The following UBR3 variants were observed in gnomAD, a reference collection of about 807,000 sequenced individuals.
The protein encoded by UBR3 is E3 ubiquitin-protein ligase UBR3.
A neutral mutation model predicts 243.2 loss-of-function variants in UBR3; 85 were observed. The observed-to-expected ratio is 0.35, with a 90% CI of 0.29 to 0.42. The LOEUF is 0.42. Ranked by LOEUF, UBR3 falls within the 10% of genes least tolerant of loss-of-function variation. The probability of loss-of-function intolerance (pLI) is 1.00; values close to 1 mark genes in which losing one functional copy is unlikely to be tolerated. For missense variants in UBR3, 1,686 were observed against 2,300.8 expected, an observed-to-expected ratio of 0.73 and a Z score of 5.47; for synonymous variants, 748 against 799.8, an observed-to-expected ratio of 0.94 and a Z score of 1.09.
chr2:170,031,578 A>G (rs1033560075), intron 31 of UBR3, among the ~76,000 whole-genome samples: 3 of 152,060 alleles, frequency 2.0e-5, no homozygotes, highest in African/African-American at 7.2e-5. Context: ...AGGTTTGTAC[A>G]TGATTATATT....
At chr2:170,070,174 C>A (rs2091667708) in intron 35 of UBR3, among the ~76,000 whole-genome samples, 1 of 151,908 alleles carries the variant, frequency 6.6e-6, no homozygotes, top group Non-Finnish European at 1.5e-5. Flanking sequence ...TGGGTTTATC[C>A]CGGAATGCAC....
At chr2:170,007,749 A>T (rs2089966008) in intron 28 of UBR3, among the ~76,000 whole-genome samples, 3 of 152,176 alleles carry the variant, frequency 2.0e-5, no homozygotes, top group Non-Finnish European at 4.4e-5. Flanking sequence ...ATGTAATCCC[A>T]GCTACACGGG....
chr2:169,854,655 A>G (rs1398985767), intron 1 of UBR3, among the ~76,000 whole-genome samples: 3 of 152,180 alleles, frequency 2.0e-5, no homozygotes, highest in Non-Finnish European at 4.4e-5. Flanking sequence ...TTTCAGTACA[A>G]TGGACATTCA....
In UBR3 at chr2:170,023,938, A is replaced by C. The variant is rs958546780; in HGVS notation, c.4454-5408A>C. 4.0e-5 allele frequency among the ~76,000 whole-genome samples: 6 copies of C among 150,802 alleles called. No homozygotes were observed. The South Asian group carries it at 1.3e-3, about 32-fold the overall frequency. Reference sequence around the variant, plus strand: ...ATGTTGGTCTCGATCTCCTGACCTCATGATCCACCCACCTTGGCCTCCCAA... The same window carrying C: ...ATGTTGGTCTCGATCTCCTGACCTCCTGATCCACCCACCTTGGCCTCCCAA... On this transcript the variant is annotated intron_variant, in intron 30 of 38. Transcript: ENST00000272793.
chr2:170,073,578 T>C lies in UBR3; in HGVS notation c.5170T>C (p.Phe1724Leu). 1 of 1,613,318 alleles carries C rather than the reference T, an allele frequency of 6.2e-7. No homozygotes were observed. The highest frequency in any genetic ancestry group is 8.5e-7 in the Non-Finnish European group (1 of 1,179,564). The change falls in exon 36 of 39, where the codon TTT becomes CTT. Residue 1724 changes from phenylalanine (F) to leucine (L), a missense_variant. By Grantham distance (22) the Phe-to-Leu change is conservative. Coordinates refer to ENST00000272793, the MANE Select transcript of UBR3 (RefSeq NM_172070.4). ...TCAGTGGTGTTTTGAGATAAAATCA[T>C]TTACTGAAAGACATGCAGAACAAGG... The part of the protein sequence containing the change: ...ITQWCFEIKS[F>L]TERHAEQGKA...
chr2:169,967,841 G>A (rs1014962699), intron 24 of UBR3, among the ~76,000 whole-genome samples: 1 of 151,834 alleles, frequency 6.6e-6, no homozygotes, highest in East Asian at 1.9e-4. Context: ...TATATAAGAA[G>A]TAGGGCTGGA....
At chr2:170,054,790 C>T (rs1322787160) in intron 32 of UBR3, among the ~76,000 whole-genome samples, 1 of 152,084 alleles carries the variant, frequency 6.6e-6, no homozygotes, top group Non-Finnish European at 1.5e-5. Flanking sequence ...TGGTTTTAAA[C>T]ATTGAGACTC....
chr2:169,865,163 A>C (rs920195901), intron 1 of UBR3, among the ~76,000 whole-genome samples: 2 of 151,904 alleles, frequency 1.3e-5, no homozygotes, highest in African/African-American at 4.8e-5. Context: ...ACTTGATAAA[A>C]TATTAATAGT....
chr2:169,877,388 C>T lies in UBR3; in HGVS notation c.845-106C>T, dbSNP rs937693339. On this transcript the variant is annotated intron_variant, in intron 3 of 38. Transcript: ENST00000272793. ...CTTATATTATTCATTCTAGGGCTCC[C>T]ACTCCATTAGAATATTCACCTATTT... 6.0e-6 allele frequency: 6 copies of T among 992,718 alleles called. No homozygotes were observed. The African/African-American group carries it at 1.0e-4, about 17-fold the overall frequency. 61.5% of individuals were successfully genotyped at this position (992,718 alleles called of 1,614,324 possible). A position where few individuals can be genotyped will look rare whatever the true frequency, so the allele number is the denominator to read the frequency against.
At chr2:169,880,428 G>A (rs914155148) in intron 5 of UBR3, among the ~76,000 whole-genome samples, 1 of 152,060 alleles carries the variant, frequency 6.6e-6, no homozygotes, top group Admixed American at 6.5e-5. Flanking sequence ...TATGTAAAAA[G>A]CTGATCTTCA....
chr2:169,874,593 T>A (rs2083539325), intron 2 of UBR3, among the ~76,000 whole-genome samples: 1 of 152,196 alleles, frequency 6.6e-6, no homozygotes, highest in South Asian at 2.1e-4. Flanking sequence ...TTCTTTCAAT[T>A]CTGTTTCTCA....
At chr2:170,054,566 G>A (rs2091291793) in intron 32 of UBR3, among the ~76,000 whole-genome samples, 1 of 151,954 alleles carries the variant, frequency 6.6e-6, no homozygotes, top group South Asian at 2.1e-4. Flanking sequence ...ACAGGCGTGA[G>A]CCACCGCCCC....
intron 5 of UBR3, among the ~76,000 whole-genome samples, chr2:169,881,975 T>C (rs1334174967): frequency 1.5e-4 from 9 of 59,974 alleles, no homozygotes; most frequent in African/African-American, 4.0e-4. Context: ...TATGTAATTA[T>C]ATTATATATG....
At chr2:169,912,933 C>T (rs565284359) in intron 10 of UBR3, among the ~76,000 whole-genome samples, 3 of 152,146 alleles carry the variant, frequency 2.0e-5, no homozygotes, top group South Asian at 4.2e-4. Flanking sequence ...TATAAATGCA[C>T]GCCACCACTC....
At chr2:169,931,298 C>T (rs2086115034) in intron 18 of UBR3, among the ~76,000 whole-genome samples, 1 of 140,454 alleles carries the variant, frequency 7.1e-6, no homozygotes, top group African/African-American at 2.7e-5. Context: ...TTGCAGTGAG[C>T]CGAGATCGCG....
chr2:170,045,970 T>A (rs1251594255), intron 32 of UBR3, among the ~76,000 whole-genome samples: 4 of 4,800 alleles, frequency 8.3e-4, no homozygotes, highest in Non-Finnish European at 6.4e-3. Context: ...GTAAATTTTT[T>A]TTTTTTTTTT....
intron 11 of UBR3, among the ~76,000 whole-genome samples, chr2:169,920,606 A>AT (rs925174849): frequency 2.0e-5 from 3 of 151,952 alleles, no homozygotes; most frequent in Non-Finnish European, 4.4e-5. Context: ...TATGTGCCTC[A>AT]TTTTTTCTTC....
chr2:169,877,387 C>T, intron 3 of UBR3, 107 bp from the exon 4 acceptor site: 1 of 985,290 alleles, frequency 1.0e-6, no homozygotes, highest in Non-Finnish European at 1.4e-6. Context: ...TCTAGGGCTC[C>T]CACTCCATTA....
intron 23 of UBR3, among the ~76,000 whole-genome samples, chr2:169,952,448 GT>G (rs1248607628): frequency 6.6e-6 from 1 of 152,176 alleles, no homozygotes; most frequent in African/African-American, 2.4e-5. Flanking sequence ...GTAATTAAAA[GT>G]TTGTTGGGAG....
Sources: gnomAD v4.1 joint callset for allele counts (sites outside exome capture counted in the v4.1 genomes callset) on GRCh38, gnomAD v4.1.1 for gene constraint, MANE v1.5 for transcripts, NCBI Gene and HGNC (gene_info 2026-07-23, HGNC 2026-07-21) for gene names.